The following HENMT1 variants were observed in gnomAD, a reference collection of about 807,000 sequenced individuals.
The protein encoded by HENMT1 is HEN methyltransferase 1.
HENMT1 carries 27 observed loss-of-function variants against 31.1 expected under a neutral mutation model. The ratio of observed to expected loss-of-function variants is 0.87; its 90% CI spans 0.64 to 1.20. HENMT1 has a LOEUF of 1.20. HENMT1 is among the 50% of genes most tolerant of loss of function. The probability of loss-of-function intolerance (pLI) is 0.00; values close to 1 mark genes in which losing one functional copy is unlikely to be tolerated. For missense variants in HENMT1, 438 were observed against 469.6 expected (o/e 0.93, Z 0.62); for synonymous variants, 167 against 172.2 (o/e 0.97, Z 0.24).
intron 5 of HENMT1, among the ~76,000 whole-genome samples, chr1:108,652,835 T>C (rs1029180282): frequency 1.3e-5 from 2 of 151,670 alleles, no homozygotes; most frequent in African/African-American, 4.8e-5. Flanking sequence ...TCCCAGCTGC[T>C]CGGGAGGCTG....
chr1:108,658,090 C>CATATATAT (rs1658316058), intron 2 of HENMT1, among the ~76,000 whole-genome samples: 1 of 73,404 alleles, frequency 1.4e-5, no homozygotes, highest in African/African-American at 4.2e-5. Flanking sequence ...CACACACACA[C>CATATATAT]ACACATATAT....
At chr1:108,650,435 A>G in intron 6 of HENMT1, 47 bp from the exon 7 acceptor site, 1 of 1,530,540 alleles carries the variant, frequency 6.5e-7, no homozygotes, top group Non-Finnish European at 8.9e-7. Context: ...ATGTAGAGCT[A>G]CTGTTAAATA....
chr1:108,660,114 G>C (rs1474405899), intron 1 of HENMT1, among the ~76,000 whole-genome samples, 152 bp from the exon 2 acceptor site: 2 of 97,736 alleles, frequency 2.0e-5, no homozygotes, highest in African/African-American at 7.7e-5. Flanking sequence ...ATTCACCTCT[G>C]AGTACTCAAA....
In HENMT1 at chr1:108,651,216, T is replaced by C; in HGVS notation, c.399-7A>G. 6.2e-7 allele frequency: 1 copy of C among 1,603,770 alleles called. No individual in the cohort carries two copies. Among genetic ancestry groups the C allele is most frequent in the Non-Finnish European group, 8.5e-7 (1 of 1,174,948 alleles). ...TGAATCCAAATGTTCTATTCTAAAA[T>C]GGTTAATGAGAAAGACATAATAAAA... On this transcript the variant is annotated splice_polypyrimidine_tract_variant and splice_region_variant and intron_variant, in intron 5 of 7. Coordinates refer to ENST00000651461, the MANE Select transcript of HENMT1 (RefSeq NM_001102592.2).
chr1:108,657,703 A>G, intron 2 of HENMT1, 124 bp from the exon 3 acceptor site: 1 of 837,040 alleles, frequency 1.2e-6, no homozygotes, highest in East Asian at 2.8e-5. Context: ...TGGCCTTCAC[A>G]TACCCTTTGT....
chr1:108,660,182 T>C (rs1002133237), intron 1 of HENMT1, among the ~76,000 whole-genome samples: 2 of 148,372 alleles, frequency 1.3e-5, no homozygotes, highest in Non-Finnish European at 3.0e-5. Flanking sequence ...CCGAAGTTCA[T>C]AGCATTATTC....
rs1371080636 is a variant in HENMT1, at chr1:108,660,028, G to A, written c.-78-66C>T. The A allele has an allele frequency of 3.4e-5, 28 of 813,588 alleles. No individual in the cohort carries two copies. The Middle Eastern group carries it at 1.7e-3, about 48-fold the overall frequency. 50.4% of individuals were successfully genotyped at this position (813,588 alleles called of 1,614,324 possible). ...AAAGAAATAGCTGCCTAGTTCAGAAGGGAAGAACGAAAGCCTCTTTCTTAC... is the reference window on the plus strand; with the variant it reads ...AAAGAAATAGCTGCCTAGTTCAGAAAGGAAGAACGAAAGCCTCTTTCTTAC... On this transcript the variant is annotated intron_variant, in intron 1 of 7. Coordinates refer to ENST00000651461, the MANE Select transcript of HENMT1 (RefSeq NM_001102592.2).
At chr1:108,661,422 C>G (rs979274243), upstream of HENMT1, 4 of 152,400 alleles carry the variant, frequency 2.6e-5, no homozygotes, top group African/African-American at 9.6e-5. Context: ...CAGCTGTTGG[C>G]GAAGGCCCCC....
intron 7 of HENMT1, chr1:108,649,268 G>A (rs1657972119): frequency 3.6e-6 from 2 of 557,678 alleles, no homozygotes; most frequent in South Asian, 1.5e-5. Flanking sequence ...TGATATTACA[G>A]GGGCAAGGGC....
In HENMT1 at chr1:108,651,032, G is replaced by C; in HGVS notation, c.576C>G (p.Thr192=). 2 of 1,610,120 alleles carry C rather than the reference G, an allele frequency of 1.2e-6. No homozygotes were observed. Among genetic ancestry groups the C allele is most frequent in the Non-Finnish European group, 1.7e-6 (2 of 1,177,252 alleles). The change falls in exon 6 of 8, where the codon ACC becomes ACG. Residue 192 remains threonine, a splice_region_variant and synonymous_variant. Coordinates refer to ENST00000651461, the MANE Select transcript of HENMT1 (RefSeq NM_001102592.2). ...KFEWTRMEFQ[T]WALYVANRYD... is the part of the protein sequence containing the mutation. The stretch of plus-strand genomic sequence containing the variant: ...AACAAAAACCCTTCTGAACTTACCA[G>C]GTCTGAAACTCCATTCTGGTCCACT...
intron 4 of HENMT1, among the ~76,000 whole-genome samples, chr1:108,655,248 G>A (rs773931313): frequency 3.9e-5 from 6 of 152,056 alleles, no homozygotes; most frequent in Admixed American, 2.0e-4. Context: ...AAATGCAGGC[G>A]GTGGCCTGGA....
At chr1:108,654,171 T>C (rs1423919634) in intron 5 of HENMT1, among the ~76,000 whole-genome samples, 1 of 152,206 alleles carries the variant, frequency 6.6e-6, no homozygotes, top group African/African-American at 2.4e-5. Flanking sequence ...CTTGGTGTCT[T>C]TGTTGAAATC....
intron 3 of HENMT1, 90 bp downstream of exon 3, chr1:108,657,361 G>A: frequency 2.2e-6 from 2 of 899,340 alleles, no homozygotes; most frequent in South Asian, 1.5e-5. Flanking sequence ...CCTGTGAAAA[G>A]TCTCTCCATA....
chr1:108,652,398 A>G (rs1218554550), intron 5 of HENMT1, among the ~76,000 whole-genome samples: 1 of 152,238 alleles, frequency 6.6e-6, no homozygotes, highest in African/African-American at 2.4e-5. Context: ...GTAGAAAGTT[A>G]TATTTAGGGA....
intron 7 of HENMT1, chr1:108,649,202 G>A (rs928806204): frequency 6.3e-6 from 4 of 632,954 alleles, no homozygotes; most frequent in African/African-American, 5.5e-5. Context: ...TAATGCTAAT[G>A]CCCAATGTCT....
rs114525811 is a variant in HENMT1, at chr1:108,651,164, C to T, written c.444G>A (p.Val148=). 5.7e-4 allele frequency: 912 copies of T among 1,614,024 alleles called. 7 individuals are homozygous for T. The African/African-American group carries it at 0.011, about 20-fold the overall frequency. The change falls in exon 6 of 8, where the codon GTG becomes GTA. Residue 148 remains valine, a synonymous_variant. Coordinates refer to ENST00000651461, the MANE Select transcript of HENMT1 (RefSeq NM_001102592.2). ...DSGDLARFPE[V]VFGYLSPSMI... ...TGGATGGAGACAGGTACCCAAATAC[C>T]ACTTCAGGAAATCTGGCCAGATCAC...
intron 3 of HENMT1, among the ~76,000 whole-genome samples, 175 bp from the exon 4 acceptor site, chr1:108,655,873 AC>A: frequency 6.6e-6 from 1 of 150,784 alleles, no homozygotes; most frequent in Non-Finnish European, 1.5e-5. Flanking sequence ...ACACACACAC[AC>A]ACACACACAC....
At position 108,655,700 on chromosome 1, in the gene HENMT1, T is replaced by C. The variant is rs1381836917; in HGVS notation, c.151-2A>G. 2 of 1,580,870 alleles carry C rather than the reference T, an allele frequency of 1.3e-6. No homozygotes were observed. Among genetic ancestry groups the C allele is most frequent in the Non-Finnish European group, 1.7e-6 (2 of 1,158,764 alleles). ...ATCACCACATCCCAGGTCTGCAACCTGTAGATGAGACAGAATGTTATTTCA... is the reference window on the plus strand; with the variant it reads ...ATCACCACATCCCAGGTCTGCAACCCGTAGATGAGACAGAATGTTATTTCA... On this transcript the variant is annotated splice_acceptor_variant, in intron 3 of 7. Transcript: ENST00000651461. LOFTEE classifies it high-confidence loss of function.
At chr1:108,650,439 TTAAA>T in intron 6 of HENMT1, 51 bp from the exon 7 acceptor site, 1 of 1,505,480 alleles carries the variant, frequency 6.6e-7, no homozygotes, top group Non-Finnish European at 9.1e-7. Flanking sequence ...AGAGCTACTG[TTAAA>T]TAAGGAACCA....
Sources: allele counts gnomAD v4.1 joint callset (sites outside exome capture counted in the v4.1 genomes callset), GRCh38; gene constraint gnomAD v4.1.1; transcripts MANE v1.5; gene names NCBI Gene and HGNC (gene_info 2026-07-23, HGNC 2026-07-21).